The following ARID1B variants were observed in gnomAD, a reference collection of about 807,000 sequenced individuals.
ARID1B encodes the protein AT-rich interaction domain 1B.
ARID1B carries 30 observed loss-of-function variants against 212.3 expected under a neutral mutation model. The ratio of observed to expected loss-of-function variants is 0.14; its 90% CI spans 0.11 to 0.19. The LOEUF (loss-of-function observed/expected upper bound fraction) is 0.19. ARID1B is among the 10% of genes least tolerant of loss of function. ARID1B has a pLI of 1.00. For synonymous variants in ARID1B, 1,402 were observed against 1,301.7 expected, an observed-to-expected ratio of 1.08 and a Z score of -1.66; for missense variants, 2,891 against 3,204.0, an observed-to-expected ratio of 0.90 and a Z score of 2.36.
chr6:157,076,695 T>C (rs2128444117), intron 4 of ARID1B, among the ~76,000 whole-genome samples: 1 of 152,224 alleles, frequency 6.6e-6, no homozygotes, highest in Admixed American at 6.5e-5. Context: ...ATTGTAAACT[T>C]TCAGTTATAA....
At position 157,094,542 on chromosome 6, in the gene ARID1B, A is replaced by G. The variant is rs568425835; in HGVS notation, c.2491+9637A>G. On this transcript the variant is annotated intron_variant, in intron 5 of 19. Transcript: ENST00000636930. This position sits in a 1 kb window ranked among gnomAD's most constrained non-coding sequence, Gnocchi z 4.3. Reference sequence around the variant, plus strand: ...GCTAATTTTTATATTTTTAGTAGAGATGGGGTTTCGCCATGTTGGCCAGGC... The same window carrying G: ...GCTAATTTTTATATTTTTAGTAGAGGTGGGGTTTCGCCATGTTGGCCAGGC... 1.3e-5 allele frequency among the ~76,000 whole-genome samples: 2 copies of G among 152,110 alleles called. No individual in the cohort carries two copies. Among genetic ancestry groups the G allele is most frequent in the South Asian group, 4.2e-4 (2 of 4,816 alleles).
chr6:156,980,534 G>A (rs1777544612), intron 4 of ARID1B, among the ~76,000 whole-genome samples: 3 of 152,236 alleles, frequency 2.0e-5, no homozygotes, highest in East Asian at 3.9e-4. Flanking sequence ...TCCTTTCTGT[G>A]TGCCAGTCAA....
rs1408001716 is a variant in ARID1B at position 157,184,268 on chromosome 6, A to T, written c.3752A>T (p.Asn1251Ile). ...KNKKWRELAT[N>I]LNVGTSSSAA... ...AAGAAGTGGCGTGAGCTGGCAACCAACCTAAACGTTGGCACCTCAAGCAGT... is the reference window on the plus strand; with the variant it reads ...AAGAAGTGGCGTGAGCTGGCAACCATCCTAAACGTTGGCACCTCAAGCAGT... Residue 1251 changes from asparagine to isoleucine, a missense_variant, in exon 13 of 20, where the codon AAC (asparagine) becomes ATC (isoleucine). This residue lies in a region of ARID1B where 666 missense variants were observed against 873.5 expected (regional missense o/e 0.76). Coordinates refer to ENST00000636930, the MANE Select transcript of ARID1B (RefSeq NM_001374828.1). 6.2e-7 allele frequency: 1 copy of T among 1,613,736 alleles called. No homozygotes were observed. Among genetic ancestry groups the T allele is most frequent in the South Asian group, 1.1e-5 (1 of 91,028 alleles).
intron 5 of ARID1B, among the ~76,000 whole-genome samples, chr6:157,101,859 T>G (rs1188279513): frequency 6.6e-6 from 1 of 152,198 alleles, no homozygotes; most frequent in Non-Finnish European, 1.5e-5. Flanking sequence ...AGACTCCAGA[T>G]TTGCTATCTT....
At chr6:156,895,688 A>G (rs1788320981) in intron 2 of ARID1B, among the ~76,000 whole-genome samples, 1 of 152,164 alleles carries the variant, frequency 6.6e-6, no homozygotes, top group Non-Finnish European at 1.5e-5. Flanking sequence ...AGAAGCAAAT[A>G]TAACAGACAC....
intron 4 of ARID1B, chr6:156,985,147 T>G (rs552921700): frequency 6.6e-6 from 1 of 152,342 alleles, no homozygotes; most frequent in East Asian, 1.9e-4. Context: ...GCTGTGACTC[T>G]TAAGGTCAGC....
chr6:156,932,149 G>T (rs1459925378), intron 3 of ARID1B, among the ~76,000 whole-genome samples: 1 of 136,932 alleles, frequency 7.3e-6, no homozygotes, highest in Non-Finnish European at 1.5e-5. Context: ...AAAAAAAGGG[G>T]GGGGGCGGGG....
In ARID1B at chr6:156,778,289, G is replaced by A. The variant is rs1460086572; in HGVS notation, c.609G>A (p.Gln203=). The A allele has an allele frequency of 6.5e-7, 1 of 1,532,086 alleles. No homozygotes were observed. Among genetic ancestry groups the A allele is most frequent in the South Asian group, 1.2e-5 (1 of 82,012 alleles). The allele number at this position is 1,532,086 out of a possible 1,614,324, so 94.9% of individuals were successfully genotyped here. Residue 203 remains glutamine, a synonymous_variant, in exon 1 of 20, where the codon CAG becomes CAA. Transcript: ENST00000636930. ...AGTTCCAGCAGCAGCAGCAGCAGCAGCAACAGCAGCAGCAGCAGCAGCAGC... is the reference window on the plus strand; with the variant it reads ...AGTTCCAGCAGCAGCAGCAGCAGCAACAACAGCAGCAGCAGCAGCAGCAGC... The part of the protein sequence containing the change: ...LNQFQQQQQQ[Q]QQQQQQQQQQ...
chr6:156,905,915 A>G (rs1301948541), intron 3 of ARID1B, among the ~76,000 whole-genome samples: 1 of 152,248 alleles, frequency 6.6e-6, no homozygotes, highest in African/African-American at 2.4e-5. Flanking sequence ...AAGAATAAAG[A>G]TAAGACACAC....
chr6:156,945,136 C>T (rs1410494257), intron 4 of ARID1B, among the ~76,000 whole-genome samples: 3 of 145,066 alleles, frequency 2.1e-5, no homozygotes, highest in African/African-American at 5.1e-5. Flanking sequence ...GGGGTTTCAC[C>T]ATGTTAGCCA....
intron 5 of ARID1B, among the ~76,000 whole-genome samples, chr6:157,099,871 G>C (rs1468399788): frequency 6.6e-6 from 1 of 152,194 alleles, no homozygotes; most frequent in African/African-American, 2.4e-5. Flanking sequence ...GTTCTCTCAA[G>C]TTCGGGAATT....
At chr6:156,896,662 C>CGAG (rs1350921681) in intron 2 of ARID1B, among the ~76,000 whole-genome samples, 1 of 150,548 alleles carries the variant, frequency 6.6e-6, no homozygotes, top group Non-Finnish European at 1.5e-5. Flanking sequence ...AGGTGGATCA[C>CGAG]GAGGTCAAGA....
At chr6:157,159,984 T>C (rs752512736) in intron 8 of ARID1B, among the ~76,000 whole-genome samples, 1 of 152,214 alleles carries the variant, frequency 6.6e-6, no homozygotes, top group East Asian at 1.9e-4. Context: ...TGTAAACATA[T>C]CAGCTACCAA....
intron 2 of ARID1B, among the ~76,000 whole-genome samples, chr6:156,835,738 T>C (rs1433621446): frequency 5.9e-5 from 9 of 152,134 alleles, no homozygotes; most frequent in Admixed American, 5.9e-4. Flanking sequence ...ATCTTAAATG[T>C]ATGTTTTATT....
chr6:157,039,196 G>A (rs1157128868), intron 4 of ARID1B, among the ~76,000 whole-genome samples: 3 of 151,890 alleles, frequency 2.0e-5, no homozygotes, highest in African/African-American at 7.3e-5. Flanking sequence ...AATTTAATAA[G>A]TTGAAACAAC....
chr6:157,155,059 T>C (rs1290423752), intron 8 of ARID1B, among the ~76,000 whole-genome samples: 3 of 152,182 alleles, frequency 2.0e-5, no homozygotes, highest in African/African-American at 7.2e-5. Flanking sequence ...TTCTCTTATC[T>C]GAATTTCGTT....
At chr6:156,959,195 A>C (rs1267761976) in intron 4 of ARID1B, among the ~76,000 whole-genome samples, 2 of 152,092 alleles carry the variant, frequency 1.3e-5, no homozygotes, top group African/African-American at 4.8e-5. Context: ...GTGTGGGAAA[A>C]TTATGTACAG....
intron 3 of ARID1B, among the ~76,000 whole-genome samples, chr6:156,907,171 G>A (rs932810131): frequency 6.6e-6 from 1 of 152,098 alleles, no homozygotes; most frequent in Non-Finnish European, 1.5e-5. Flanking sequence ...TTAAATGAAG[G>A]CTTCCAGCAT....
At chr6:156,994,177 T>G (rs914601727) in intron 4 of ARID1B, among the ~76,000 whole-genome samples, 1 of 152,168 alleles carries the variant, frequency 6.6e-6, no homozygotes, top group East Asian at 1.9e-4. Context: ...ATTTAAAAAG[T>G]TTTTTGCCCT....
Sources: gnomAD v4.1 joint callset for allele counts (sites outside exome capture counted in the v4.1 genomes callset) on GRCh38, gnomAD v4.1.1 for gene constraint, gnomAD v4.1.1 regional missense constraint, Gnocchi (gnomAD v3.1) non-coding constraint, MANE v1.5 for transcripts, NCBI Gene and HGNC (gene_info 2026-07-23, HGNC 2026-07-21) for gene names.